The following MLLT10 variants were observed in gnomAD, a reference collection of about 807,000 sequenced individuals.
MLLT10 encodes the protein protein AF-10.
In MLLT10, 30 loss-of-function variants were observed where a neutral mutation model predicts 129.1. The observed-to-expected ratio is 0.23, with a 90% confidence interval of 0.17 to 0.32. The LOEUF (loss-of-function observed/expected upper bound fraction) is 0.32. Ranked by LOEUF, MLLT10 falls within the 10% of genes least tolerant of loss-of-function variation. The pLI is 1.00. For missense variants in MLLT10, 1,119 were observed against 1,268.3 expected (o/e 0.88, Z 1.79); for synonymous variants, 490 against 446.4 (o/e 1.10, Z -1.23).
At chr10:21,541,627 C>A (rs187222404) in intron 3 of MLLT10, among the ~76,000 whole-genome samples, 1 of 152,266 alleles carries the variant, frequency 6.6e-6, no homozygotes, top group African/African-American at 2.4e-5. Flanking sequence ...CTCAGGTGAT[C>A]TGCCTGCTTT....
At chr10:21,652,764 TG>T (rs2049170932) in intron 9 of MLLT10, among the ~76,000 whole-genome samples, 2 of 152,182 alleles carry the variant, frequency 1.3e-5, no homozygotes, top group Admixed American at 1.3e-4. Context: ...CTGGCTGCTT[TG>T]TTTTGGACAG....
intron 3 of MLLT10, chr10:21,551,804 T>A (rs1194710663): frequency 2.3e-6 from 1 of 428,030 alleles, no homozygotes. Flanking sequence ...CTCTCTCTTT[T>A]TTTTTTTTTA....
rs559098835 is a variant in MLLT10, at chr10:21,742,564, T to C, written c.*581T>C. On this transcript the variant is annotated 3_prime_UTR_variant, in exon 23 of 23. Coordinates refer to ENST00000307729, the MANE Select transcript of MLLT10 (RefSeq NM_001195626.3). The stretch of plus-strand genomic sequence containing the variant: ...CCTTTCTAATGGGATTTGGCCAATT[T>C]TGGTAATGAAGTTAGGATGGTAATG... 4 of 217,322 alleles carry C rather than the reference T, an allele frequency of 1.8e-5. No individual in the cohort carries two copies. The South Asian group carries it at 5.6e-4, about 30-fold the overall frequency. The allele number at this position is 217,322 out of a possible 1,614,324, so 13.5% of individuals were successfully genotyped here.
chr10:21,556,509 C>T (rs2038003476), intron 3 of MLLT10: 2 of 636,934 alleles, frequency 3.1e-6, no homozygotes, highest in Non-Finnish European at 2.7e-6. Flanking sequence ...TTCAGCTGCT[C>T]CTGGTGTCTC....
intron 2 of MLLT10, among the ~76,000 whole-genome samples, chr10:21,535,707 C>T (rs1287576921): frequency 1.3e-5 from 2 of 152,140 alleles, no homozygotes; most frequent in East Asian, 3.9e-4. Context: ...TTTTTGGTGG[C>T]TCCATGTCCC....
chr10:21,656,311 A>T (rs569899128), intron 9 of MLLT10, among the ~76,000 whole-genome samples: 8 of 152,278 alleles, frequency 5.3e-5, no homozygotes, highest in Non-Finnish European at 1.0e-4. Flanking sequence ...TGGGTTTTTA[A>T]AAATTATTGA....
At chr10:21,630,453 G>T (rs1589326212) in intron 8 of MLLT10, among the ~76,000 whole-genome samples, 4 of 152,212 alleles carry the variant, frequency 2.6e-5, no homozygotes, top group South Asian at 4.1e-4. Context: ...GTTCTCCATG[G>T]TTCTCACATT....
At chr10:21,655,539 C>T (rs1423060476) in intron 9 of MLLT10, among the ~76,000 whole-genome samples, 1 of 151,922 alleles carries the variant, frequency 6.6e-6, no homozygotes. Context: ...TTTTAAAAAG[C>T]CATTTAAACG....
At chr10:21,625,750 C>T (rs960131982) in intron 8 of MLLT10, 4 of 768,214 alleles carry the variant, frequency 5.2e-6, no homozygotes, top group South Asian at 2.7e-5. Context: ...TTTACCAGGG[C>T]GAATTTCATA....
intron 8 of MLLT10, among the ~76,000 whole-genome samples, chr10:21,646,768 C>G (rs911438438): frequency 6.6e-6 from 1 of 152,008 alleles, no homozygotes. Flanking sequence ...AAGGGGAATT[C>G]ACAGTTCTGA....
At chr10:21,684,821 C>A (rs1039987607) in intron 13 of MLLT10, among the ~76,000 whole-genome samples, 1 of 152,272 alleles carries the variant, frequency 6.6e-6, no homozygotes. Flanking sequence ...CTTCTTCTCC[C>A]CGACTTTACG....
In MLLT10 at chr10:21,682,241, G is replaced by C. The variant is rs1371036794; in HGVS notation, c.1683G>C (p.Leu561=). The C allele has an allele frequency of 1.2e-6, 2 of 1,611,112 alleles. No homozygotes were observed. Among genetic ancestry groups the C allele is most frequent in the South Asian group, 1.1e-5 (1 of 90,418 alleles). The part of the protein sequence containing the change: ...ACPTTTFSEL[L]NAIHNGIYNS... Reference sequence around the variant, plus strand: ...ACTTAAAAGCGTTCTCAGAGTTGCTGAATGCAATACACAACGGTAAGTTTT... The same window carrying C: ...ACTTAAAAGCGTTCTCAGAGTTGCTCAATGCAATACACAACGGTAAGTTTT... Residue 561 remains leucine (L), a synonymous_variant, in exon 13 of 23, where the codon CTG becomes CTC. Coordinates refer to ENST00000307729, the MANE Select transcript of MLLT10 (RefSeq NM_001195626.3).
rs534724307 is a variant in MLLT10 at position 21,652,429 on chromosome 10, G to C, written c.795+661G>C. Among the ~76,000 whole-genome samples the C allele has an allele frequency of 6.9e-4, 105 of 152,286 alleles. 2 individuals carry two copies. In the South Asian group the frequency reaches 8.7e-3, roughly 13 times the overall value. On this transcript the variant is annotated intron_variant, in intron 9 of 22. Transcript: ENST00000307729. ...CTTGGTTAACTCAATTATATCATTT[G>C]TAAAGTGGGGGAAATTATTAATGAA...
upstream of MLLT10, among the ~76,000 whole-genome samples, chr10:21,534,012 C>CCGCCCCCGCGCGCG (rs1554774742): frequency 6.6e-6 from 1 of 151,930 alleles, no homozygotes; most frequent in African/African-American, 2.4e-5. Context: ...CCTAACGTCC[C>CCGCCCCCGCGCGCG]CGCCCCCGCG....
chr10:21,541,470 C>T (rs1045344118), intron 3 of MLLT10: 1 of 152,272 alleles, frequency 6.6e-6, no homozygotes, highest in Non-Finnish European at 1.5e-5. Flanking sequence ...ACTGCAACCT[C>T]TGCCTCCTGG....
At chr10:21,660,817 G>A (rs1488873044) in intron 9 of MLLT10, among the ~76,000 whole-genome samples, 1 of 145,164 alleles carries the variant, frequency 6.9e-6, no homozygotes, top group African/African-American at 2.6e-5. Flanking sequence ...AGGTTGCAGT[G>A]AGCCAAGATA....
chr10:21,575,652 A>G (rs2040653908), intron 3 of MLLT10, among the ~76,000 whole-genome samples: 1 of 152,094 alleles, frequency 6.6e-6, no homozygotes, highest in Admixed American at 6.5e-5. Flanking sequence ...GAATGTTTAT[A>G]GTGGTTTTAA....
At chr10:21,611,998 A>G (rs2044703768) in intron 5 of MLLT10, among the ~76,000 whole-genome samples, 1 of 152,190 alleles carries the variant, frequency 6.6e-6, no homozygotes, top group Non-Finnish European at 1.5e-5. Context: ...CACCCTTGTT[A>G]CAGGAATCAG....
At chr10:21,566,090 C>T (rs985680907) in intron 3 of MLLT10, among the ~76,000 whole-genome samples, 6 of 150,752 alleles carry the variant, frequency 4.0e-5, no homozygotes, top group African/African-American at 9.8e-5. Context: ...GTAGCTATTA[C>T]AGGTGCCCAC....
Sources: gnomAD v4.1 joint callset for allele counts (sites outside exome capture counted in the v4.1 genomes callset) on GRCh38, gnomAD v4.1.1 for gene constraint, MANE v1.5 for transcripts, NCBI Gene and HGNC (gene_info 2026-07-23, HGNC 2026-07-21) for gene names.